The following MIER1 variants were observed in gnomAD, a reference collection of about 807,000 sequenced individuals.
MIER1 encodes MIER1 transcriptional regulator.
In MIER1, 40 loss-of-function variants were observed where a neutral mutation model predicts 75.7. The ratio of observed to expected loss-of-function variants is 0.53; its 90% confidence interval spans 0.41 to 0.69. The LOEUF (loss-of-function observed/expected upper bound fraction) is 0.69, where lower values mean the gene tolerates loss of function less well. Ranked by LOEUF, MIER1 falls within the 30% of genes least tolerant of loss-of-function variation. The probability of loss-of-function intolerance (pLI) is 0.00; values close to 1 mark genes in which losing one functional copy is unlikely to be tolerated. For synonymous variants in MIER1, 213 were observed against 223.4 expected, an observed-to-expected ratio of 0.95 and a Z score of 0.42; for missense variants, 574 against 680.2, an observed-to-expected ratio of 0.84 and a Z score of 1.74.
In MIER1 at chr1:66,984,722, A is replaced by G. The variant is rs1666544568; in HGVS notation, c.1520A>G (p.Asp507Gly). The G allele has an allele frequency of 6.2e-7, 1 of 1,614,030 alleles. No individual in the cohort carries two copies. Among genetic ancestry groups the G allele is most frequent in the Non-Finnish European group, 8.5e-7 (1 of 1,179,956 alleles). Reference sequence around the variant, plus strand: ...TATGAAACAGATAACCTTACCACTGACCCAAAACTTGCCCATATGACTGCA... The same window carrying G: ...TATGAAACAGATAACCTTACCACTGGCCCAAAACTTGCCCATATGACTGCA... ...NGYETDNLTT[D>G]PKLAHMTARN... The change falls in exon 14 of 14, where the codon GAC becomes GGC. Residue 507 changes from aspartate (D) to glycine (G), a missense_variant. Physicochemically the swap from Asp to Gly is moderately conservative, Grantham distance 94. Transcript: ENST00000401041.
intron 1 of MIER1, 30 bp from the exon 2 acceptor site, chr1:66,926,112 G>C: frequency 3.2e-6 from 5 of 1,558,144 alleles, no homozygotes; most frequent in Non-Finnish European, 4.4e-6. Flanking sequence ...CTGTCTCCTT[G>C]CTACTGAGGC....
At chr1:66,930,262 G>A in intron 2 of MIER1, 1 of 1,528,300 alleles carries the variant, frequency 6.5e-7, no homozygotes, top group Admixed American at 2.0e-5. Flanking sequence ...GCGCGTTCCC[G>A]CCGAGGCAGT....
intron 11 of MIER1, among the ~76,000 whole-genome samples, chr1:66,974,337 C>G (rs1023442216): frequency 9.2e-5 from 14 of 151,762 alleles, no homozygotes; most frequent in Non-Finnish European, 8.8e-5. Context: ...AAAAGGAGTG[C>G]ATTATGTGAC....
intron 2 of MIER1, among the ~76,000 whole-genome samples, chr1:66,935,289 A>G (rs376182071): frequency 1.5e-4 from 23 of 152,206 alleles, no homozygotes; most frequent in African/African-American, 4.3e-4. Context: ...ACTATTAGCA[A>G]TTTTATCAAC....
Position 66,932,460 on chromosome 1 carries a change from A to G in MIER1, c.168+6218A>G, listed in dbSNP as rs113682706. ...GAGGAACTTTCGTGATCTGTGTCCT[A>G]CAAAAAAATCTAAGACAGGTGAAGA... On this transcript the variant is annotated intron_variant, in intron 2 of 13. Transcript: ENST00000401041. Among the ~76,000 whole-genome samples the G allele has an allele frequency of 2.6e-5, 4 of 152,316 alleles. No homozygotes were observed. In the East Asian group the frequency reaches 7.7e-4, roughly 29 times the overall value.
rs545669896 is a variant in MIER1 at position 66,985,892 on chromosome 1, T to C, written c.*992T>C. The C allele has an allele frequency of 3.1e-6, 3 of 958,528 alleles. No homozygotes were observed. In the African/African-American group the frequency reaches 5.3e-5, roughly 17 times the overall value. 59.4% of individuals were successfully genotyped at this position (958,528 alleles called of 1,614,324 possible). ...GAATTCTGAAATTAAGCATGATGCT[T>C]AGATTGCAGTTTGTTTTGCATTTGC... On this transcript the variant is annotated 3_prime_UTR_variant, in exon 14 of 14. Transcript: ENST00000401041.
rs979865137 is a variant in MIER1 at position 66,987,073 on chromosome 1, T to G, written c.*2173T>G. The G allele has an allele frequency of 6.6e-6, 1 of 152,500 alleles. No individual in the cohort carries two copies. Among genetic ancestry groups the G allele is most frequent in the Non-Finnish European group, 1.5e-5 (1 of 67,986 alleles). The allele number at this position is 152,500 out of a possible 1,614,324, so 9.4% of individuals were successfully genotyped here. On this transcript the variant is annotated 3_prime_UTR_variant, in exon 14 of 14. Coordinates refer to ENST00000401041, the MANE Select transcript of MIER1 (RefSeq NM_001077700.3). The stretch of plus-strand genomic sequence containing the variant: ...GGCATGTTTGCAAAAATATGGCACA[T>G]GTATACATTTTAGGAAATGTTACTT...
rs1666523071 is a variant in MIER1, at chr1:66,984,614, A to C, written c.1412A>C (p.Glu471Ala). 3.7e-6 allele frequency: 6 copies of C among 1,609,810 alleles called. No individual in the cohort carries two copies. The highest frequency in any genetic ancestry group is 5.1e-6 in the Non-Finnish European group (6 of 1,178,756). ...CCAGGTGAAATATTAAACAAAGAGG[A>C]AGTAAAAGTTGAAGGGTTACACATT... ...NGPGEILNKEEVKVEGLHING... is the reference protein window; with the variant it reads ...NGPGEILNKEAVKVEGLHING... Residue 471 changes from glutamate to alanine, a missense_variant, in exon 14 of 14, where the codon GAA (glutamate) becomes GCA (alanine). Glu to Ala is a moderately radical substitution (Grantham distance 107). This residue lies in a region of MIER1 where 164 missense variants were observed against 154.3 expected (regional missense o/e 1.06). Coordinates refer to ENST00000401041, the MANE Select transcript of MIER1 (RefSeq NM_001077700.3).
chr1:66,930,565 C>T (rs1652959431), intron 2 of MIER1, among the ~76,000 whole-genome samples: 1 of 151,890 alleles, frequency 6.6e-6, no homozygotes, highest in African/African-American at 2.4e-5. Flanking sequence ...TCGCCTGGAA[C>T]TTAGTTGGGA....
At chr1:66,977,858 T>G (rs1248277681) in intron 12 of MIER1, among the ~76,000 whole-genome samples, 1 of 152,166 alleles carries the variant, frequency 6.6e-6, no homozygotes, top group African/African-American at 2.4e-5. Context: ...TTTGTCAATG[T>G]ACTCCAGTAA....
chr1:66,976,172 T>G (rs1664684004), intron 11 of MIER1, among the ~76,000 whole-genome samples: 1 of 152,032 alleles, frequency 6.6e-6, no homozygotes, highest in South Asian at 2.1e-4. Context: ...CCCGGCTAAT[T>G]TTTGTATTTT....
At chr1:66,930,420 C>T (rs545582478) in intron 2 of MIER1, 121 of 1,605,224 alleles carry the variant, frequency 7.5e-5, no homozygotes, top group South Asian at 4.4e-4. Flanking sequence ...CGAGCTCCCC[C>T]TCCCTGTCCC....
In MIER1 at chr1:66,986,306, TA is replaced by T; in HGVS notation, c.*1409del. ...AAAAGTGCCATTTTATTTTTAGTGC[TA>T]AATTCTTGTTAAATAATGTAGTTTT... On this transcript the variant is annotated 3_prime_UTR_variant, in exon 14 of 14. Transcript: ENST00000401041. The T allele has an allele frequency of 2.0e-6, 3 of 1,505,170 alleles. No homozygotes were observed. Among genetic ancestry groups the T allele is most frequent in the Non-Finnish European group, 2.6e-6 (3 of 1,135,104 alleles). 93.2% of individuals were successfully genotyped at this position (1,505,170 alleles called of 1,614,324 possible). A position where few individuals can be genotyped will look rare whatever the true frequency, so the allele number is the denominator to read the frequency against.
At chr1:66,936,190 A>G (rs1406299935) in intron 2 of MIER1, among the ~76,000 whole-genome samples, 1 of 152,062 alleles carries the variant, frequency 6.6e-6, no homozygotes, top group East Asian at 1.9e-4. Context: ...AGGTATTGTT[A>G]TAAATAAGCA....
chr1:66,925,349 G>T lies in MIER1; in HGVS notation c.67+254G>T, dbSNP rs573528306. ...CCCAGCGCCGCCTTTTTGCCTTCGC[G>T]GTGGTGGCGCCGCGCTGGGAATCCG... On this transcript the variant is annotated intron_variant, in intron 1 of 13. Transcript: ENST00000401041. The T allele has an allele frequency of 4.8e-4, 472 of 985,430 alleles. 2 individuals carry two copies. The African/African-American group carries it at 7.5e-3, about 16-fold the overall frequency. The allele number at this position is 985,430 out of a possible 1,614,324, so 61.0% of individuals were successfully genotyped here. A position where few individuals can be genotyped will look rare whatever the true frequency, so the allele number is the denominator to read the frequency against.
intron 1 of MIER1, chr1:66,925,340 T>C (rs1226369002): frequency 1.4e-5 from 14 of 985,458 alleles, no homozygotes; most frequent in Non-Finnish European, 1.7e-5. Flanking sequence ...GCCGCCTTTT[T>C]GCCTTCGCGG....
In MIER1 at chr1:66,985,170, C is replaced by G; in HGVS notation, c.*270C>G. Reference sequence around the variant, plus strand: ...CCTTCTCATTTGAATATCTTTAGTTCATTCAGATTTACTAATTTTGGTAAA... The same window carrying G: ...CCTTCTCATTTGAATATCTTTAGTTGATTCAGATTTACTAATTTTGGTAAA... On this transcript the variant is annotated 3_prime_UTR_variant, in exon 14 of 14. Coordinates refer to ENST00000401041, the MANE Select transcript of MIER1 (RefSeq NM_001077700.3). The G allele has an allele frequency of 1.0e-6, 1 of 996,356 alleles. No individual in the cohort carries two copies. Among genetic ancestry groups the G allele is most frequent in the Non-Finnish European group, 1.2e-6 (1 of 823,200 alleles). 61.7% of individuals were successfully genotyped at this position (996,356 alleles called of 1,614,324 possible).
At chr1:66,974,985 C>G (rs1488790138) in intron 11 of MIER1, among the ~76,000 whole-genome samples, 1 of 151,906 alleles carries the variant, frequency 6.6e-6, no homozygotes, top group Non-Finnish European at 1.5e-5. Context: ...CTAGAGGAGA[C>G]AAAAAACAGC....
chr1:66,963,559 T>C (rs764180903), intron 8 of MIER1, among the ~76,000 whole-genome samples: 7 of 152,208 alleles, frequency 4.6e-5, no homozygotes, highest in African/African-American at 9.7e-5. Context: ...ATAACTGATA[T>C]AAACAGCTTA....
Sources: allele counts gnomAD v4.1 joint callset (sites outside exome capture counted in the v4.1 genomes callset), GRCh38; gene constraint gnomAD v4.1.1; regional missense constraint gnomAD v4.1.1; transcripts MANE v1.5; gene names NCBI Gene and HGNC (gene_info 2026-07-23, HGNC 2026-07-21).